The following SMPDL3B variants were observed in gnomAD, a reference collection of about 807,000 sequenced individuals.
The protein encoded by SMPDL3B is sphingomyelin phosphodiesterase acid like 3B.
In SMPDL3B, 31 loss-of-function variants were observed where a neutral mutation model predicts 37.9. That is an observed-to-expected ratio of 0.82 (90% CI 0.61 to 1.10). The LOEUF (loss-of-function observed/expected upper bound fraction) is 1.10, where lower values mean the gene tolerates loss of function less well. Among genes scored for constraint, SMPDL3B ranks in the 50% least tolerant of loss-of-function variants. The pLI, the probability that SMPDL3B is intolerant of heterozygous loss-of-function variation, is 0.00. For synonymous variants in SMPDL3B, 235 were observed against 242.6 expected, an observed-to-expected ratio of 0.97 and a Z score of 0.29; for missense variants, 525 against 597.8, an observed-to-expected ratio of 0.88 and a Z score of 1.27.
chr1:27,948,968 GT>G lies in SMPDL3B; in HGVS notation c.276-96del, dbSNP rs372619116. ...CCTCAAGGGGACATCTGAGGCCCAGGTCCATAGGTTTTCCTCTCACTGCAGA... is the reference window on the plus strand; with the variant it reads ...CCTCAAGGGGACATCTGAGGCCCAGGCCATAGGTTTTCCTCTCACTGCAGA... On this transcript the variant is annotated intron_variant, in intron 2 of 7. Transcript: ENST00000373894. The G allele has an allele frequency of 5.2e-4, 828 of 1,582,114 alleles. 4 individuals carry two copies. The African/African-American group carries it at 0.01, about 19-fold the overall frequency.
intron 1 of SMPDL3B, 126 bp downstream of exon 1, chr1:27,935,370 CAGGT>C: frequency 2.8e-6 from 2 of 703,216 alleles, no homozygotes; most frequent in Non-Finnish European, 4.9e-6. Flanking sequence ...GGCAGGGAGG[CAGGT>C]GGGGAGAGCT....
chr1:27,955,957 A>G lies in SMPDL3B; in HGVS notation c.880A>G (p.Ile294Val). 1 of 1,613,998 alleles carries G rather than the reference A, an allele frequency of 6.2e-7. No individual in the cohort carries two copies. Among genetic ancestry groups the G allele is most frequent in the Non-Finnish European group, 8.5e-7 (1 of 1,179,972 alleles). ...RMLYDDAGVP[I>V]SAMFITPGVT... ...TGTCTCTCTCCTGACAGGTGTCCCC[A>G]TAAGCGCCATGTTCATCACACCTGG... Residue 294 changes from isoleucine to valine, a missense_variant, in exon 7 of 8, where the codon ATA becomes GTA. Physicochemically the swap from Ile to Val is conservative, Grantham distance 29. Transcript: ENST00000373894.
At chr1:27,954,657 C>T (rs769023799) in intron 5 of SMPDL3B, 131 bp downstream of exon 5, 31 of 792,718 alleles carry the variant, frequency 3.9e-5, no homozygotes, top group Non-Finnish European at 5.9e-5. Flanking sequence ...CCGGCACCAG[C>T]AGAGGGCTTC....
chr1:27,956,398 T>C, intron 7 of SMPDL3B: 1 of 1,285,816 alleles, frequency 7.8e-7, no homozygotes, highest in Non-Finnish European at 1.0e-6. Context: ...TAGCACCACT[T>C]TCATCTTGTC....
chr1:27,945,132 T>G lies in SMPDL3B; in HGVS notation c.62-100T>G. ...TGCTCAGAGAAGACTTCCATTTGCC[T>G]GTGTAACGCCCCTGCCCCAGCCCAG... On this transcript the variant is annotated intron_variant, in intron 1 of 7. Coordinates refer to ENST00000373894, the MANE Select transcript of SMPDL3B (RefSeq NM_014474.4). The surrounding 1 kb of genome is among the most constrained non-coding windows in gnomAD (Gnocchi z 4.0). The G allele has an allele frequency of 9.0e-7, 1 of 1,111,950 alleles. No individual in the cohort carries two copies. The highest frequency in any genetic ancestry group is 1.3e-6 in the Non-Finnish European group (1 of 746,128). 68.9% of individuals were successfully genotyped at this position (1,111,950 alleles called of 1,614,324 possible).
At chr1:27,940,730 G>A (rs907421761) in intron 1 of SMPDL3B, among the ~76,000 whole-genome samples, 4 of 152,174 alleles carry the variant, frequency 2.6e-5, no homozygotes, top group Admixed American at 6.5e-5. Flanking sequence ...CTGTCTTACT[G>A]TAAAAGGTCC....
At chr1:27,937,622 A>C (rs1330632957) in intron 1 of SMPDL3B, among the ~76,000 whole-genome samples, 2 of 152,218 alleles carry the variant, frequency 1.3e-5, no homozygotes, top group Non-Finnish European at 2.9e-5. Flanking sequence ...ACTGAATCAC[A>C]GGAGTCAGAC....
At chr1:27,937,893 A>T (rs1054434172) in intron 1 of SMPDL3B, among the ~76,000 whole-genome samples, 1 of 152,162 alleles carries the variant, frequency 6.6e-6, no homozygotes, top group Admixed American at 6.6e-5. Context: ...TTTCAAACAC[A>T]CCCAGCAGTG....
At chr1:27,949,260 T>G in intron 3 of SMPDL3B, 98 bp downstream of exon 3, 1 of 1,265,092 alleles carries the variant, frequency 7.9e-7, no homozygotes, top group South Asian at 1.2e-5. Context: ...CTGGCTGACC[T>G]TCATCCATGG....
rs141900214 is a variant in SMPDL3B at position 27,952,297 on chromosome 1, G to T, written c.374-918G>T. Among the ~76,000 whole-genome samples the T allele has an allele frequency of 1.0e-3, 152 of 152,238 alleles. 3 individuals are homozygous for T. Among genetic ancestry groups the T allele is most frequent in the African/African-American group, 3.5e-3 (146 of 41,516 alleles). ...TTTGGCAGAGTTCTCAGCATTTCCA[G>T]GTCTTGTCGGCTGTACAGGGCAAAG... On this transcript the variant is annotated intron_variant, in intron 3 of 7. Coordinates refer to ENST00000373894, the MANE Select transcript of SMPDL3B (RefSeq NM_014474.4).
intron 1 of SMPDL3B, among the ~76,000 whole-genome samples, chr1:27,943,004 G>A (rs1178813104): frequency 6.6e-6 from 1 of 152,164 alleles, no homozygotes; most frequent in African/African-American, 2.4e-5. Context: ...GTGTGGAAAG[G>A]TTAAATTTTC....
Position 27,942,282 on chromosome 1 carries a change from G to A in SMPDL3B, c.62-2950G>A, listed in dbSNP as rs74601865. 9 of 469,226 alleles carry A rather than the reference G, an allele frequency of 1.9e-5. 1 individual carries two copies. The highest frequency in any genetic ancestry group is 6.5e-4 in the Middle Eastern group (2 of 3,096). 29.1% of individuals were successfully genotyped at this position (469,226 alleles called of 1,614,324 possible). On this transcript the variant is annotated intron_variant, in intron 1 of 7. Coordinates refer to ENST00000373894, the MANE Select transcript of SMPDL3B (RefSeq NM_014474.4). ...CTCTTTCTCTGTCTGCAGAGGAAGC[G>A]CAAGGACCATGTGCCCAAGAGAAAG...
chr1:27,937,441 C>T (rs930480590), intron 1 of SMPDL3B, among the ~76,000 whole-genome samples: 8 of 152,152 alleles, frequency 5.3e-5, no homozygotes, highest in African/African-American at 1.4e-4. Context: ...GTAGGTGGTC[C>T]GTAAATGTAG....
chr1:27,942,990 A>G (rs186997714), intron 1 of SMPDL3B, among the ~76,000 whole-genome samples: 1 of 152,338 alleles, frequency 6.6e-6, no homozygotes, highest in East Asian at 1.9e-4. Flanking sequence ...AGTGATCACA[A>G]TATGTGTGGA....
rs1317194182 is a variant in SMPDL3B at position 27,937,049 on chromosome 1, C to CAAA, written c.61+1810_61+1812dup. On this transcript the variant is annotated intron_variant, in intron 1 of 7. Coordinates refer to ENST00000373894, the MANE Select transcript of SMPDL3B (RefSeq NM_014474.4). ...AAACAAACAAACAAACAAACAACAA[C>CAAA]AAAAAAAGGAATTCCGCAGCACCTG... Among the ~76,000 whole-genome samples, 3 of 150,892 alleles carry CAAA rather than the reference C, an allele frequency of 2.0e-5. No individual in the cohort carries two copies. The East Asian group carries it at 5.9e-4, about 30-fold the overall frequency.
Position 27,958,697 on chromosome 1 carries a change from C to T in SMPDL3B, c.1227C>T (p.Cys409=), listed in dbSNP as rs772818004. ...SYSAGVCDEA[C]SMQHVCAMRQ... ...CTGCTGGGGTCTGCGACGAGGCCTG[C>T]AGCATGCAGCACGTGTGTGCCATGC... is the stretch of plus-strand genomic sequence containing the variant. The change falls in exon 8 of 8, where the codon TGC becomes TGT. Residue 409 remains cysteine, a synonymous_variant. Coordinates refer to ENST00000373894, the MANE Select transcript of SMPDL3B (RefSeq NM_014474.4). The surrounding 1 kb of genome is among the most constrained non-coding windows in gnomAD (Gnocchi z 5.6). 7 of 1,613,918 alleles carry T rather than the reference C, an allele frequency of 4.3e-6. No individual in the cohort carries two copies. Among genetic ancestry groups the T allele is most frequent in the African/African-American group, 1.3e-5 (1 of 75,066 alleles).
intron 4 of SMPDL3B, 105 bp from the exon 5 acceptor site, chr1:27,954,249 G>A: frequency 9.3e-7 from 1 of 1,080,020 alleles, no homozygotes; most frequent in African/African-American, 1.6e-5. Context: ...AAGATGGGAG[G>A]GGAAGATGCA....
At chr1:27,938,215 A>G (rs1242784110) in intron 1 of SMPDL3B, among the ~76,000 whole-genome samples, 1 of 152,166 alleles carries the variant, frequency 6.6e-6, no homozygotes, top group Non-Finnish European at 1.5e-5. Context: ...AAGAACCCTC[A>G]TGGGCTAAGC....
chr1:27,944,421 C>G (rs1312886400), intron 1 of SMPDL3B, among the ~76,000 whole-genome samples: 1 of 152,094 alleles, frequency 6.6e-6, no homozygotes, highest in Non-Finnish European at 1.5e-5. Flanking sequence ...GTGGCATGAT[C>G]ATGGCTCACT....
Sources: allele counts gnomAD v4.1 joint callset (sites outside exome capture counted in the v4.1 genomes callset), GRCh38; gene constraint gnomAD v4.1.1; non-coding constraint Gnocchi (gnomAD v3.1); transcripts MANE v1.5; gene names NCBI Gene and HGNC (gene_info 2026-07-23, HGNC 2026-07-21).